ASCC3: variants seen among roughly 807,000 people sequenced by gnomAD.
The protein encoded by ASCC3 is activating signal cointegrator 1 complex subunit 3.
Under a neutral mutation model 256.3 loss-of-function variants are expected in ASCC3, and 158 were observed. That is an observed-to-expected ratio of 0.62 (90% CI 0.54 to 0.70). The LOEUF (loss-of-function observed/expected upper bound fraction) is 0.70, where lower values mean the gene tolerates loss of function less well. Ranked by LOEUF, ASCC3 falls within the 30% of genes least tolerant of loss-of-function variation. The pLI, the probability that ASCC3 is intolerant of heterozygous loss-of-function variation, is 0.00. For missense variants in ASCC3, 2,259 were observed against 2,626.0 expected (o/e 0.86, Z 3.05); for synonymous variants, 948 against 883.4 (o/e 1.07, Z -1.30).
chr6:100,716,313 G>A (rs1779085292), intron 12 of ASCC3, among the ~76,000 whole-genome samples: 1 of 151,556 alleles, frequency 6.6e-6, no homozygotes. Flanking sequence ...AAATTTAAAA[G>A]GGTCTCATAT....
At chr6:100,842,492 T>C (rs1274060801) in intron 4 of ASCC3, among the ~76,000 whole-genome samples, 1 of 152,226 alleles carries the variant, frequency 6.6e-6, no homozygotes, top group African/African-American at 2.4e-5. Flanking sequence ...GATATCAGAA[T>C]ATACTGAATG....
intron 10 of ASCC3, among the ~76,000 whole-genome samples, chr6:100,727,426 C>A (rs1020563086): frequency 8.6e-5 from 13 of 151,824 alleles, no homozygotes; most frequent in Non-Finnish European, 7.4e-5. Flanking sequence ...TGTAATAAAG[C>A]CTCCGAGAGG....
chr6:100,630,483 T>C (rs1211881389), intron 26 of ASCC3, among the ~76,000 whole-genome samples: 1 of 143,570 alleles, frequency 7.0e-6, no homozygotes, highest in Non-Finnish European at 1.5e-5. Context: ...TTTTTTTTTG[T>C]TTTTTTTTTT....
chr6:100,792,210 AG>A (rs1769381248), intron 8 of ASCC3, among the ~76,000 whole-genome samples: 1 of 151,924 alleles, frequency 6.6e-6, no homozygotes, highest in African/African-American at 2.4e-5. Context: ...TAATATACCT[AG>A]AAACCAGTAA....
chr6:100,763,935 G>T (rs1781528525), intron 10 of ASCC3, among the ~76,000 whole-genome samples: 1 of 151,148 alleles, frequency 6.6e-6, no homozygotes, highest in Non-Finnish European at 1.5e-5. Context: ...AGAGTCTGCA[G>T]GACAGACTAG....
intron 26 of ASCC3, among the ~76,000 whole-genome samples, chr6:100,630,332 C>G (rs983315749): frequency 3.9e-5 from 6 of 152,050 alleles, no homozygotes; most frequent in African/African-American, 1.4e-4. Context: ...TGAATATGGA[C>G]TATATTCACA....
intron 10 of ASCC3, among the ~76,000 whole-genome samples, chr6:100,748,804 G>A (rs1309818415): frequency 6.6e-6 from 1 of 151,930 alleles, no homozygotes; most frequent in Non-Finnish European, 1.5e-5. Flanking sequence ...TTTCATGACT[G>A]GAGAAAAAGA....
intron 3 of ASCC3, among the ~76,000 whole-genome samples, chr6:100,853,664 T>C (rs1032042605): frequency 3.3e-5 from 5 of 152,254 alleles, no homozygotes; most frequent in South Asian, 2.1e-4. Context: ...CATTTCACAA[T>C]GTGGCCCAGG....
At chr6:100,726,125 G>A (rs752538896) in intron 10 of ASCC3, among the ~76,000 whole-genome samples, 1 of 151,700 alleles carries the variant, frequency 6.6e-6, no homozygotes, top group African/African-American at 2.4e-5. Context: ...TCACTCTACC[G>A]ATAATCTACT....
intron 29 of ASCC3, among the ~76,000 whole-genome samples, chr6:100,625,637 G>T (rs1425757561): frequency 1.1e-4 from 16 of 152,064 alleles, no homozygotes; most frequent in Admixed American, 9.8e-4. Context: ...TCTCCATTAA[G>T]AGCTATACAT....
At position 100,789,173 on chromosome 6, in the gene ASCC3, A is replaced by G. The variant is rs532174918; in HGVS notation, c.1395+9540T>C. On this transcript the variant is annotated intron_variant, in intron 8 of 41. Transcript: ENST00000369162. The stretch of plus-strand genomic sequence containing the variant: ...AATTTGGTGGGGAGGCCATTTATAT[A>G]TATGATTGATCATCTTATCTTTAAA... Among the ~76,000 whole-genome samples, 8 of 152,094 alleles carry G rather than the reference A, an allele frequency of 5.3e-5. No homozygotes were observed. In the South Asian group the frequency reaches 1.5e-3, roughly 28 times the overall value.
At position 100,655,808 on chromosome 6, in the gene ASCC3, C is replaced by G. The variant is rs1262804357; in HGVS notation, c.2714G>C (p.Gly905Ala). 1.2e-6 allele frequency: 2 copies of G among 1,610,842 alleles called. No homozygotes were observed. The highest frequency in any genetic ancestry group is 3.3e-5 in the Admixed American group (2 of 59,910). The change falls in exon 17 of 42, where the codon GGA (glycine) becomes GCA (alanine). Residue 905 changes from glycine to alanine, a missense_variant. By Grantham distance (60) the Gly-to-Ala change is moderately conservative. Coordinates refer to ENST00000369162, the MANE Select transcript of ASCC3 (RefSeq NM_006828.4). ...ADNLNAEIALGTVTNVEEAVK... is the reference protein window; with the variant it reads ...ADNLNAEIALATVTNVEEAVK... ...TGCTTCTTCCACATTAGTAACTGTT[C>G]CCAGAGCAATCTGCAAATCAAAAAG...
At chr6:100,643,485 T>C (rs2114895287) in intron 23 of ASCC3, among the ~76,000 whole-genome samples, 1 of 152,278 alleles carries the variant, frequency 6.6e-6, no homozygotes, top group East Asian at 1.9e-4. Context: ...CAGTCATGCA[T>C]TGCTTAATGA....
chr6:100,698,957 T>C (rs1485785820), intron 13 of ASCC3, among the ~76,000 whole-genome samples: 2 of 152,150 alleles, frequency 1.3e-5, no homozygotes, highest in Non-Finnish European at 2.9e-5. Context: ...ACCAACTATA[T>C]GCCAAGTGCT....
At chr6:100,837,913 T>C (rs1287391381) in intron 4 of ASCC3, among the ~76,000 whole-genome samples, 5 of 152,108 alleles carry the variant, frequency 3.3e-5, no homozygotes, top group Non-Finnish European at 7.4e-5. Context: ...ATGATAAATG[T>C]ATGAGGTCAT....
At chr6:100,805,524 G>A (rs1352266244) in intron 5 of ASCC3, among the ~76,000 whole-genome samples, 1 of 151,984 alleles carries the variant, frequency 6.6e-6, no homozygotes, top group Non-Finnish European at 1.5e-5. Flanking sequence ...GAAGAAAGTT[G>A]TGTATTCTAA....
intron 30 of ASCC3, among the ~76,000 whole-genome samples, chr6:100,609,003 C>T (rs1773250823): frequency 6.7e-6 from 1 of 150,242 alleles, no homozygotes; most frequent in South Asian, 2.1e-4. Flanking sequence ...GCCTCGTGAT[C>T]CGCCCGTCTC....
Position 100,763,803 on chromosome 6 carries a change from GGGGCTGCACTCTCATTGGCA to G in ASCC3, c.1737+2742_1737+2761del, listed in dbSNP as rs1234456364. On this transcript the variant is annotated intron_variant, in intron 10 of 41. Coordinates refer to ENST00000369162, the MANE Select transcript of ASCC3 (RefSeq NM_006828.4). The stretch of plus-strand genomic sequence containing the variant: ...TAAATGCAAATGTCCCCCGCTTATT[GGGGCTGCACTCTCATTGGCA>G]GGGCTGCACTCTCATCAGTGATGCT... 7.2e-5 allele frequency among the ~76,000 whole-genome samples: 11 copies of G among 152,236 alleles called. No homozygotes were observed. In the South Asian group the frequency reaches 1.9e-3, roughly 26 times the overall value.
intron 16 of ASCC3, among the ~76,000 whole-genome samples, chr6:100,656,589 T>C (rs1775925270): frequency 6.6e-6 from 1 of 151,544 alleles, no homozygotes. Context: ...GCATTTAATG[T>C]AGCTTTGTGA....
Sources: allele counts gnomAD v4.1 joint callset (sites outside exome capture counted in the v4.1 genomes callset), GRCh38; gene constraint gnomAD v4.1.1; transcripts MANE v1.5; gene names NCBI Gene and HGNC (gene_info 2026-07-23, HGNC 2026-07-21).